The following RARB variants were observed in gnomAD, a reference collection of about 807,000 sequenced individuals.
The protein encoded by RARB is retinoic acid receptor beta, also known as HBV-activated protein.
A neutral mutation model predicts 51.9 loss-of-function variants in RARB; 17 were observed. That is an observed-to-expected ratio of 0.33 (90% CI 0.22 to 0.49). The LOEUF (loss-of-function observed/expected upper bound fraction) is 0.49, where lower values mean the gene tolerates loss of function less well. RARB is among the 20% of genes least tolerant of loss of function. RARB has a pLI of 0.99. For missense variants in RARB, 369 were observed against 550.8 expected (o/e 0.67, Z 3.30); for synonymous variants, 215 against 195.4 (o/e 1.10, Z -0.84).
intron 3 of RARB, among the ~76,000 whole-genome samples, chr3:25,078,438 T>A (rs1698919333): frequency 6.6e-6 from 1 of 152,188 alleles, no homozygotes; most frequent in African/African-American, 2.4e-5. Flanking sequence ...TATTTTTTAA[T>A]TTTCTATTCC....
chr3:25,498,024 G>T (rs1466315219), intron 2 of RARB, among the ~76,000 whole-genome samples: 1 of 152,132 alleles, frequency 6.6e-6, no homozygotes, highest in African/African-American at 2.4e-5. Flanking sequence ...GAGGAGGGCT[G>T]GGGCTCCTGG....
At chr3:25,342,159 C>A (rs895958474) in intron 5 of RARB, among the ~76,000 whole-genome samples, 2 of 152,160 alleles carry the variant, frequency 1.3e-5, no homozygotes, top group Non-Finnish European at 1.5e-5. Context: ...AAGCAGACTG[C>A]AGTTTCAGGA....
intron 1 of RARB, among the ~76,000 whole-genome samples, chr3:24,852,561 A>G (rs1702573762): frequency 6.6e-6 from 1 of 152,232 alleles, no homozygotes; most frequent in Non-Finnish European, 1.5e-5. Flanking sequence ...GTACATAAAT[A>G]TTTATGGTAG....
At chr3:24,857,849 C>G (rs933176947) in intron 1 of RARB, among the ~76,000 whole-genome samples, 2 of 152,110 alleles carry the variant, frequency 1.3e-5, no homozygotes, top group South Asian at 2.1e-4. Context: ...TAGCCTGAAC[C>G]CAGGAGTTTG....
At chr3:25,231,893 G>A (rs568163496) in intron 5 of RARB, among the ~76,000 whole-genome samples, 1 of 151,986 alleles carries the variant, frequency 6.6e-6, no homozygotes, top group East Asian at 1.9e-4. Flanking sequence ...TTTTTACAGA[G>A]CAAAAGCTCC....
At chr3:25,567,611 A>G (rs974505619) in intron 3 of RARB, among the ~76,000 whole-genome samples, 17 of 152,106 alleles carry the variant, frequency 1.1e-4, no homozygotes, top group African/African-American at 4.1e-4. Flanking sequence ...ATGAACATTC[A>G]TGGACAAGTT....
At position 25,251,012 on chromosome 3, in the gene RARB, G is replaced by A. The variant is rs144353331; in HGVS notation, c.178+76437G>A. 5.6e-3 allele frequency among the ~76,000 whole-genome samples: 857 copies of A among 152,230 alleles called. 8 individuals carry two copies. The highest frequency in any genetic ancestry group is 9.7e-3 in the South Asian group (47 of 4,828). On this transcript the variant is annotated intron_variant, in intron 5 of 11. Coordinates refer to the RARB transcript ENST00000383772. ...TTTTCTCCCTTTCATTGCCTTAGGTGTTTCCTGTTACTTCTCTACTGAAAG... is the reference window on the plus strand; with the variant it reads ...TTTTCTCCCTTTCATTGCCTTAGGTATTTCCTGTTACTTCTCTACTGAAAG...
At chr3:25,127,274 T>C (rs1309633985) in intron 3 of RARB, among the ~76,000 whole-genome samples, 1 of 152,152 alleles carries the variant, frequency 6.6e-6, no homozygotes, top group Non-Finnish European at 1.5e-5. Context: ...CCCTCACCTC[T>C]TCCCAGGACC....
At chr3:25,319,091 G>T (rs539771798) in intron 5 of RARB, among the ~76,000 whole-genome samples, 1 of 152,254 alleles carries the variant, frequency 6.6e-6, no homozygotes, top group African/African-American at 2.4e-5. Flanking sequence ...ATTTATTTGT[G>T]TTCTCAGACC....
At chr3:25,057,817 T>TA (rs1157693636) in intron 2 of RARB, among the ~76,000 whole-genome samples, 1 of 152,000 alleles carries the variant, frequency 6.6e-6, no homozygotes, top group African/African-American at 2.4e-5. Flanking sequence ...AATTTTTTTT[T>TA]ACCATCGAAA....
At chr3:25,371,971 C>T (rs1421390101) in intron 5 of RARB, among the ~76,000 whole-genome samples, 1 of 152,100 alleles carries the variant, frequency 6.6e-6, no homozygotes, top group Non-Finnish European at 1.5e-5. Context: ...GGGTGATGGG[C>T]ATTTCAGGCT....
chr3:25,208,022 G>A (rs73147383), intron 5 of RARB, among the ~76,000 whole-genome samples: 1,966 of 150,034 alleles, frequency 0.013, 50 homozygotes, highest in African/African-American at 0.046. Context: ...GAGAGGGCAA[G>A]GGGGGGAGCA....
At chr3:25,561,649 G>A (rs1035281671) in intron 3 of RARB, among the ~76,000 whole-genome samples, 31 of 151,888 alleles carry the variant, frequency 2.0e-4, no homozygotes, top group African/African-American at 7.3e-4. Flanking sequence ...TTCCTAAGCT[G>A]AGAAAAACTT....
At chr3:24,891,059 G>C (rs148157411) in intron 2 of RARB, among the ~76,000 whole-genome samples, 2 of 152,160 alleles carry the variant, frequency 1.3e-5, no homozygotes, top group Non-Finnish European at 2.9e-5. Context: ...AGCTCAGTGC[G>C]TTTCAGTCTG....
intron 2 of RARB, among the ~76,000 whole-genome samples, chr3:25,026,535 T>C (rs1697753159): frequency 6.6e-6 from 1 of 152,166 alleles, no homozygotes; most frequent in African/African-American, 2.4e-5. Context: ...CCTATTCTTA[T>C]AAGGACATCA....
intron 2 of RARB, among the ~76,000 whole-genome samples, chr3:24,905,368 G>T (rs1414544712): frequency 6.6e-6 from 1 of 152,080 alleles, no homozygotes; most frequent in African/African-American, 2.4e-5. Flanking sequence ...CACCTTTTCA[G>T]CACAAGACAA....
At chr3:24,960,667 T>G (rs141427422) in intron 2 of RARB, among the ~76,000 whole-genome samples, 27 of 152,218 alleles carry the variant, frequency 1.8e-4, no homozygotes, top group Admixed American at 3.9e-4. Context: ...ATGCTGTGAA[T>G]GGAATGATTT....
In RARB at chr3:24,974,052, A is replaced by G. The variant is rs143469920; in HGVS notation, c.-379-86073A>G. ...CCAGATCTTGGAGGAAAGGCTTTCA[A>G]TTTTTCCCTGTACAATATGATGGTG... is the stretch of plus-strand genomic sequence containing the variant. On this transcript the variant is annotated intron_variant, in intron 2 of 11. Coordinates refer to the RARB transcript ENST00000383772. Among the ~76,000 whole-genome samples the G allele has an allele frequency of 3.8e-3, 570 of 151,908 alleles. 4 individuals are homozygous for G. Among genetic ancestry groups the G allele is most frequent in the African/African-American group, 0.013 (550 of 41,464 alleles).
At chr3:24,922,978 C>T (rs1695249627) in intron 2 of RARB, among the ~76,000 whole-genome samples, 1 of 152,136 alleles carries the variant, frequency 6.6e-6, no homozygotes, top group Admixed American at 6.5e-5. Context: ...GACAAAGAGA[C>T]TATATTTTTT....
Sources: gnomAD v4.1 joint callset for allele counts (sites outside exome capture counted in the v4.1 genomes callset) on GRCh38, gnomAD v4.1.1 for gene constraint, MANE v1.5 for transcripts, NCBI Gene and HGNC (gene_info 2026-07-23, HGNC 2026-07-21) for gene names.